Variants in NOS2 observed in about 807,000 individuals in gnomAD.
NOS2 encodes the protein nitric oxide synthase, inducible.
In NOS2, 96 loss-of-function variants were observed where a neutral mutation model predicts 136.0. The observed-to-expected ratio is 0.71, with a 90% CI of 0.60 to 0.84. NOS2 has a LOEUF of 0.84. NOS2 is among the 40% of genes least tolerant of loss of function. The pLI is 0.00. For missense variants in NOS2, 1,237 were observed against 1,496.9 expected (o/e 0.83, Z 2.87); for synonymous variants, 539 against 587.5 (o/e 0.92, Z 1.20).
chr17:27,798,707 T>C lies in NOS2; in HGVS notation c.103A>G (p.Thr35Ala). The change falls in exon 2 of 27, where the codon ACC becomes GCC. Residue 35 changes from threonine to alanine, a missense_variant. By Grantham distance (58) the Thr-to-Ala change is moderately conservative. Transcript: ENST00000313735. ...NNNVEKAPCA[T>A]SSPVTQDDLQ... ...CCCCCAGGGAAAACTCACCTGGAGG[T>C]GGCACAGGGGGCTTTCTCCACATTG... 6.2e-7 allele frequency: 1 copy of C among 1,609,528 alleles called. No individual in the cohort carries two copies. The highest frequency in any genetic ancestry group is 8.5e-7 in the Non-Finnish European group (1 of 1,175,866).
intron 4 of NOS2, 148 bp from the exon 5 acceptor site, chr17:27,787,974 G>T (rs1909072302): frequency 2.7e-6 from 2 of 749,034 alleles, no homozygotes; most frequent in Non-Finnish European, 4.2e-6. Flanking sequence ...TCCTCCTTGG[G>T]GTCCACCTGG....
At chr17:27,767,943 G>A (rs1000428823) in intron 17 of NOS2, 106 bp from the exon 18 acceptor site, 103 of 1,411,596 alleles carry the variant, frequency 7.3e-5, no homozygotes, top group Middle Eastern at 2.5e-4. Flanking sequence ...ACACTGAGCC[G>A]TGTGTTTCGT....
In NOS2 at chr17:27,781,863, T is replaced by G. The variant is rs990881886; in HGVS notation, c.722+152A>C. On this transcript the variant is annotated intron_variant, in intron 7 of 26. Coordinates refer to ENST00000313735, the MANE Select transcript of NOS2 (RefSeq NM_000625.4). ...CAGGGGCTGGGCTCACTACTGGAAG[T>G]CCCCGAAGAAGCCTGAGTCTTTCTC... The G allele has an allele frequency of 4.4e-6, 3 of 683,280 alleles. No individual in the cohort carries two copies. In the African/African-American group the frequency reaches 5.4e-5, roughly 12 times the overall value. The allele number at this position is 683,280 out of a possible 1,614,324, so 42.3% of individuals were successfully genotyped here. A position where few individuals can be genotyped will look rare whatever the true frequency, so the allele number is the denominator to read the frequency against.
intron 25 of NOS2, among the ~76,000 whole-genome samples, 200 bp from the exon 26 acceptor site, chr17:27,759,275 T>G (rs575540163): frequency 2.0e-5 from 3 of 152,200 alleles, no homozygotes; most frequent in East Asian, 1.9e-4. Context: ...ATTAGAGAGA[T>G]AAATGCTGGA....
intron 20 of NOS2, 68 bp from the exon 21 acceptor site, chr17:27,764,212 G>GC (rs1908225531): frequency 2.1e-6 from 2 of 968,678 alleles, no homozygotes; most frequent in Non-Finnish European, 2.9e-6. Context: ...AGGTAGCGAG[G>GC]CCCCCAGGCA....
At position 27,774,457 on chromosome 17, in the gene NOS2, T is replaced by A; in HGVS notation, c.1282-6A>T. ...ATGATGGTCACATTCTGCTTCTGTATCAGAAGGCAAGATAGGGAGTGGAGA... is the reference window on the plus strand; with the variant it reads ...ATGATGGTCACATTCTGCTTCTGTAACAGAAGGCAAGATAGGGAGTGGAGA... On this transcript the variant is annotated splice_region_variant and splice_polypyrimidine_tract_variant and intron_variant, in intron 11 of 26. Transcript: ENST00000313735. 6.9e-7 allele frequency: 1 copy of A among 1,458,564 alleles called. No homozygotes were observed. The allele number at this position is 1,458,564 out of a possible 1,614,324, so 90.4% of individuals were successfully genotyped here.
In NOS2 at chr17:27,798,777, G is replaced by A; in HGVS notation, c.33C>T (p.Thr11=). Residue 11 remains threonine, a synonymous_variant, in exon 2 of 27, where the codon ACC becomes ACT. Transcript: ENST00000313735. MACPWKFLFK[T]KFHQYAMNGE... is the part of the protein sequence containing the mutation. ...CATTCATTGCATACTGGTGGAATTTGGTCTTGAACAGAAATTTCCAAGGAC... is the reference window on the plus strand; with the variant it reads ...CATTCATTGCATACTGGTGGAATTTAGTCTTGAACAGAAATTTCCAAGGAC... 1 of 1,613,786 alleles carries A rather than the reference G, an allele frequency of 6.2e-7. No individual in the cohort carries two copies. Among genetic ancestry groups the A allele is most frequent in the Non-Finnish European group, 8.5e-7 (1 of 1,179,678 alleles).
At chr17:27,773,517 C>T (rs1908566581) in intron 12 of NOS2, among the ~76,000 whole-genome samples, 1 of 152,204 alleles carries the variant, frequency 6.6e-6, no homozygotes, top group South Asian at 2.1e-4. Flanking sequence ...GAACAGGCTG[C>T]ACTCCTTTTG....
rs1908894663 is a variant in NOS2 at position 27,782,849 on chromosome 17, G to A, written c.630+95C>T. The A allele has an allele frequency of 3.2e-6, 4 of 1,261,208 alleles. No homozygotes were observed. In the South Asian group the frequency reaches 4.1e-5, roughly 13 times the overall value. 78.1% of individuals were successfully genotyped at this position (1,261,208 alleles called of 1,614,324 possible). On this transcript the variant is annotated intron_variant, in intron 6 of 26. Transcript: ENST00000313735. The stretch of plus-strand genomic sequence containing the variant: ...TCCAGGGCCATGGCTTCAGTCCCAG[G>A]AGGCCTGGGCACAGCTCTGTGTGGC...
In NOS2 at chr17:27,774,519, G is replaced by A. The variant is rs28999397; in HGVS notation, c.1282-68C>T. 62 of 1,253,250 alleles carry A rather than the reference G, an allele frequency of 4.9e-5. 1 individual carries two copies. The highest frequency in any genetic ancestry group is 1.5e-4 in the African/African-American group (10 of 64,520). 77.6% of individuals were successfully genotyped at this position (1,253,250 alleles called of 1,614,324 possible). ...GAATCAGGAGAGGGGCCGGTTGGCC[G>A]CAGGGCTCCCAGAGAGTGCCTGGGA... is the stretch of plus-strand genomic sequence containing the variant. On this transcript the variant is annotated intron_variant, in intron 11 of 26. Transcript: ENST00000313735.
At chr17:27,787,432 C>A (rs1355317729) in intron 5 of NOS2, among the ~76,000 whole-genome samples, 1 of 152,152 alleles carries the variant, frequency 6.6e-6, no homozygotes, top group African/African-American at 2.4e-5. Context: ...AATGCGGGAG[C>A]CAGGGTTCGA....
chr17:27,775,546 G>T (rs187169785), intron 11 of NOS2, among the ~76,000 whole-genome samples: 126 of 152,246 alleles, frequency 8.3e-4, no homozygotes, highest in Non-Finnish European at 1.3e-3. Context: ...AGGTTGCAGT[G>T]AGCCGAGATC....
At chr17:27,763,165 A>G (rs1410709626) in intron 21 of NOS2, among the ~76,000 whole-genome samples, 160 bp from the exon 22 acceptor site, 2 of 152,214 alleles carry the variant, frequency 1.3e-5, no homozygotes, top group East Asian at 1.9e-4. Flanking sequence ...TTGAGACAAA[A>G]TAAGTGCCTG....
Position 27,766,731 on chromosome 17 carries a change from T to A in NOS2, c.2168-143A>T, listed in dbSNP as rs1440354982. The stretch of plus-strand genomic sequence containing the variant: ...GTGGCCGTTGGGTTTTTCTTTTTCT[T>A]CCTTTTATTCCACAAATAAAGATCC... On this transcript the variant is annotated intron_variant, in intron 18 of 26. Coordinates refer to ENST00000313735, the MANE Select transcript of NOS2 (RefSeq NM_000625.4). The A allele has an allele frequency of 4.4e-6, 3 of 674,440 alleles. No homozygotes were observed. The African/African-American group carries it at 5.3e-5, about 12-fold the overall frequency. 41.8% of individuals were successfully genotyped at this position (674,440 alleles called of 1,614,324 possible).
rs1375043112 is a variant in NOS2 at position 27,781,194 on chromosome 17, C to G, written c.723-17G>C. 6.3e-7 allele frequency: 1 copy of G among 1,599,894 alleles called. No individual in the cohort carries two copies. The highest frequency in any genetic ancestry group is 8.5e-7 in the Non-Finnish European group (1 of 1,178,080). ...ATGGCCGACCTTCCCAGGACAGGAA[C>G]AGTACTGTTTACCACCTAGCCCTGG... On this transcript the variant is annotated splice_polypyrimidine_tract_variant and intron_variant, in intron 7 of 26. Coordinates refer to ENST00000313735, the MANE Select transcript of NOS2 (RefSeq NM_000625.4).
At position 27,769,570 on chromosome 17, in the gene NOS2, C is replaced by T. The variant is rs759255233; in HGVS notation, c.1824G>A (p.Ser608=). Residue 608 remains serine (S), a synonymous_variant, in exon 16 of 27, where the codon TCG becomes TCA. Coordinates refer to ENST00000313735, the MANE Select transcript of NOS2 (RefSeq NM_000625.4). ...TGTTGAGCTCTTTCAGCATGAAGAG[C>T]GATTTCTTCAGTTTCTAGAAAGAGA... The part of the protein sequence containing the change: ...CPGNGEKLKK[S]LFMLKELNNK... 5.6e-6 allele frequency: 9 copies of T among 1,613,038 alleles called. No homozygotes were observed. Among genetic ancestry groups the T allele is most frequent in the South Asian group, 2.2e-5 (2 of 91,058 alleles).
intron 5 of NOS2, among the ~76,000 whole-genome samples, chr17:27,783,341 C>T (rs1908912498): frequency 6.6e-6 from 1 of 152,146 alleles, no homozygotes; most frequent in Non-Finnish European, 1.5e-5. Flanking sequence ...AAATAAAGAG[C>T]CCACATTTTC....
chr17:27,793,486 G>T (rs891625617), intron 2 of NOS2: 27 of 392,458 alleles, frequency 6.9e-5, no homozygotes, highest in South Asian at 4.0e-4. Flanking sequence ...CCCACAGAGC[G>T]CACATCCCCG....
chr17:27,797,829 T>C (rs944053145), intron 2 of NOS2, among the ~76,000 whole-genome samples: 1 of 152,218 alleles, frequency 6.6e-6, no homozygotes, highest in Non-Finnish European at 1.5e-5. Flanking sequence ...AGGAGGGACA[T>C]GAAGAATCCA....
Sources: gnomAD v4.1 joint callset for allele counts (sites outside exome capture counted in the v4.1 genomes callset) on GRCh38, gnomAD v4.1.1 for gene constraint, MANE v1.5 for transcripts, NCBI Gene and HGNC (gene_info 2026-07-23, HGNC 2026-07-21) for gene names.